IRAK1BP1: variants seen among roughly 807,000 people sequenced by gnomAD.
IRAK1BP1 encodes interleukin 1 receptor associated kinase 1 binding protein 1.
In IRAK1BP1, 24 loss-of-function variants were observed where a neutral mutation model predicts 28.0. The ratio of observed to expected loss-of-function variants is 0.86; its 90% CI spans 0.62 to 1.20. The LOEUF (loss-of-function observed/expected upper bound fraction) is 1.20. Ranked by LOEUF, IRAK1BP1 falls within the 50% of genes most tolerant of loss-of-function variation. The probability of loss-of-function intolerance (pLI) is 0.00; values close to 1 mark genes in which losing one functional copy is unlikely to be tolerated. For missense variants in IRAK1BP1, 336 were observed against 316.7 expected, an observed-to-expected ratio of 1.06 and a Z score of -0.46; for synonymous variants, 131 against 116.3, an observed-to-expected ratio of 1.13 and a Z score of -0.81.
exon 5 of IRAK1BP1, chr6:78,946,359 A>G: frequency 2.1e-6 from 3 of 1,397,040 alleles, no homozygotes; most frequent in Non-Finnish European, 2.9e-6. Flanking sequence ...ACTATTATGA[A>G]ATATGTTAAA....
At chr6:78,895,127 AG>A (rs1381538745) in intron 2 of IRAK1BP1, among the ~76,000 whole-genome samples, 1 of 151,990 alleles carries the variant, frequency 6.6e-6, no homozygotes, top group Non-Finnish European at 1.5e-5. Flanking sequence ...AAAAAAAAAA[AG>A]TATTTGAATC....
the IRAK1BP1 span, among the ~76,000 whole-genome samples, chr6:78,960,819 T>C: frequency 5.9e-5 from 9 of 151,906 alleles, no homozygotes; most frequent in African/African-American, 2.2e-4. Flanking sequence ...AGAAATAAAA[T>C]TTAAGTCATA....
At chr6:78,978,166 TAATG>T in the IRAK1BP1 span, among the ~76,000 whole-genome samples, 1 of 152,126 alleles carries the variant, frequency 6.6e-6, no homozygotes, top group African/African-American at 2.4e-5. Context: ...TTTAAAGATC[TAATG>T]AACTGTGAAC....
At chr6:78,938,618 C>G (rs1388577089) in intron 4 of IRAK1BP1, 1 of 151,576 alleles carries the variant, frequency 6.6e-6, no homozygotes, top group African/African-American at 2.4e-5. Flanking sequence ...TTTTTCTATA[C>G]AATCAAGCCA....
At chr6:78,947,147 ATTG>A (rs890416310), downstream of IRAK1BP1, among the ~76,000 whole-genome samples, 3 of 152,186 alleles carry the variant, frequency 2.0e-5, no homozygotes, top group African/African-American at 7.2e-5. Flanking sequence ...GACAAAACTT[ATTG>A]TCAACTTTAT....
At chr6:78,915,026 G>T (rs978827468) in intron 4 of IRAK1BP1, among the ~76,000 whole-genome samples, 1 of 152,072 alleles carries the variant, frequency 6.6e-6, no homozygotes, top group Non-Finnish European at 1.5e-5. Flanking sequence ...TGCCATGTTG[G>T]TCAGGCTGGT....
At chr6:78,932,384 T>C (rs1773072598) in intron 4 of IRAK1BP1, among the ~76,000 whole-genome samples, 2 of 152,026 alleles carry the variant, frequency 1.3e-5, no homozygotes, top group Admixed American at 6.6e-5. Flanking sequence ...CTCTGAAAGC[T>C]ATAGCCTTAC....
At chr6:78,888,933 C>T (rs765581375) in intron 2 of IRAK1BP1, among the ~76,000 whole-genome samples, 13 of 151,462 alleles carry the variant, frequency 8.6e-5, no homozygotes, top group Non-Finnish European at 1.8e-4. Flanking sequence ...ACCTGGGCAA[C>T]ATGGTAAAAC....
chr6:78,945,534 ATTGAACCTAAAGAT>A (rs1485058532), exon 5 of IRAK1BP1: 1 of 1,277,628 alleles, frequency 7.8e-7, no homozygotes, highest in African/African-American at 1.5e-5. Context: ...ATTAAGAGTT[ATTGAACCTAAAGAT>A]AAGAAAAAAG....
intron 1 of IRAK1BP1, among the ~76,000 whole-genome samples, chr6:78,883,295 T>C (rs1771297089): frequency 6.6e-6 from 1 of 152,158 alleles, no homozygotes; most frequent in South Asian, 2.1e-4. Flanking sequence ...AATATAATTT[T>C]ATTTATGAAA....
chr6:78,903,893 A>ACG (rs988078814), downstream of IRAK1BP1, among the ~76,000 whole-genome samples: 7 of 152,188 alleles, frequency 4.6e-5, no homozygotes, highest in Admixed American at 4.6e-4. Context: ...CATCAGTTTT[A>ACG]CGCTGGTCAC....
chr6:78,951,464 G>A, the IRAK1BP1 span, among the ~76,000 whole-genome samples: 166 of 152,246 alleles, frequency 1.1e-3, no homozygotes, highest in East Asian at 0.015. Context: ...AATATGAAGT[G>A]CATGATCTGC....
intron 2 of IRAK1BP1, among the ~76,000 whole-genome samples, chr6:78,890,144 A>G (rs897923200): frequency 6.6e-6 from 1 of 152,118 alleles, no homozygotes; most frequent in Non-Finnish European, 1.5e-5. Context: ...GCTGGAAACC[A>G]TCATTCTCAG....
intron 4 of IRAK1BP1, among the ~76,000 whole-genome samples, chr6:78,944,130 C>T (rs546831253): frequency 2.0e-5 from 3 of 151,694 alleles, no homozygotes; most frequent in African/African-American, 7.3e-5. Flanking sequence ...AAAGACATTC[C>T]CCCAAAAGGA....
downstream of IRAK1BP1, among the ~76,000 whole-genome samples, chr6:78,947,385 T>G (rs1018549904): frequency 6.6e-6 from 1 of 152,298 alleles, no homozygotes; most frequent in Middle Eastern, 3.4e-3. Context: ...CCAGGACAAT[T>G]TGCATCAACC....
downstream of IRAK1BP1, among the ~76,000 whole-genome samples, chr6:78,905,167 A>G (rs1271759500): frequency 6.6e-6 from 1 of 152,250 alleles, no homozygotes; most frequent in African/African-American, 2.4e-5. Flanking sequence ...AAAAGAAGAA[A>G]TAGAGGATTG....
the IRAK1BP1 span, among the ~76,000 whole-genome samples, chr6:78,952,778 A>G: frequency 1.8e-4 from 28 of 151,888 alleles, no homozygotes; most frequent in African/African-American, 6.8e-4. Context: ...CTCAAATAAC[A>G]TATTTTTTCC....
At chr6:78,961,646 TCA>T in the IRAK1BP1 span, 1 of 1,597,348 alleles carries the variant, frequency 6.3e-7, no homozygotes, top group Non-Finnish European at 8.6e-7. Flanking sequence ...GGTGGAAAGA[TCA>T]CCAGCTTTCC....
intron 4 of IRAK1BP1, among the ~76,000 whole-genome samples, chr6:78,935,059 G>A (rs968971170): frequency 1.3e-5 from 2 of 152,114 alleles, no homozygotes; most frequent in African/African-American, 2.4e-5. Context: ...AAATACTGGG[G>A]AATCCTGGGT....
Sources: gnomAD v4.1 joint callset for allele counts (sites outside exome capture counted in the v4.1 genomes callset) on GRCh38, gnomAD v4.1.1 for gene constraint, MANE v1.5 for transcripts, NCBI Gene and HGNC (gene_info 2026-07-23, HGNC 2026-07-21) for gene names.